The following TMLHE variants were observed in gnomAD, a reference collection of about 807,000 sequenced individuals.
TMLHE encodes the protein trimethyllysine hydroxylase, epsilon.
In TMLHE, 18 loss-of-function variants were observed where a neutral mutation model predicts 25.7. That is an observed-to-expected ratio of 0.70 (90% CI 0.48 to 1.04). TMLHE has a LOEUF of 1.04. Ranked by LOEUF, TMLHE falls within the 50% of genes least tolerant of loss-of-function variation. TMLHE has a pLI of 0.00. For synonymous variants in TMLHE, 105 were observed against 97.0 expected (o/e 1.08, Z -0.49); for missense variants, 236 against 259.0 (o/e 0.91, Z 0.61).
At chrX:155,547,709 C>G (rs1215236055) in intron 1 of TMLHE, among the ~76,000 whole-genome samples, 30 of 103,085 alleles carry the variant, frequency 2.9e-4, no homozygotes, top group Admixed American at 5.2e-4. Context: ...AAAAATAAAA[C>G]TGATTGTAAA....
chrX:155,504,555 A>C lies in TMLHE; in HGVS notation c.995+2343T>G, dbSNP rs1328332673. Among the ~76,000 whole-genome samples the C allele has an allele frequency of 2.7e-5, 3 of 110,132 alleles. No individual in the cohort carries two copies. In the East Asian group the frequency reaches 8.6e-4, roughly 32 times the overall value. On this transcript the variant is annotated intron_variant, in intron 6 of 7. Coordinates refer to ENST00000334398, the MANE Select transcript of TMLHE (RefSeq NM_018196.4). ...TTAAAAGAGTGTGGCATGTCCTTGG[A>C]ACAGCTACAATTCATACATTGTTGA...
Position 155,513,975 on chromosome X carries a change from A to G in TMLHE, c.638+11T>C. On this transcript the variant is annotated intron_variant, in intron 4 of 7. Transcript: ENST00000334398. ...TATAATACTGTGGATTTTAGGAAACAAATGAATTACCTGATTAAGCTGATC... is the reference window on the plus strand; with the variant it reads ...TATAATACTGTGGATTTTAGGAAACGAATGAATTACCTGATTAAGCTGATC... 3 of 1,196,795 alleles carry G rather than the reference A, an allele frequency of 2.5e-6. No homozygotes were observed. Among genetic ancestry groups the G allele is most frequent in the Non-Finnish European group, 3.4e-6 (3 of 885,799 alleles).
At chrX:155,587,397 C>T (rs1269968408) in intron 1 of TMLHE, among the ~76,000 whole-genome samples, 1 of 111,782 alleles carries the variant, frequency 8.9e-6, no homozygotes, top group African/African-American at 3.2e-5. Flanking sequence ...AACAAACCCA[C>T]AGTTAACATC....
chrX:155,539,743 C>T (rs1339104080), intron 2 of TMLHE, among the ~76,000 whole-genome samples: 5 of 111,254 alleles, frequency 4.5e-5, no homozygotes, highest in African/African-American at 6.5e-5. Flanking sequence ...AAATAAGCAT[C>T]ACCAGAATAA....
intron 1 of TMLHE, chrX:155,612,407 G>A (rs1334212061): frequency 8.9e-6 from 1 of 112,021 alleles, no homozygotes; most frequent in Non-Finnish European, 1.9e-5. Context: ...GGGACTCGCT[G>A]AAAGCTAAAC....
intron 1 of TMLHE, among the ~76,000 whole-genome samples, chrX:155,568,082 T>A (rs1345534532): frequency 1.6e-5 from 1 of 60,978 alleles, no homozygotes; most frequent in African/African-American, 3.6e-5. Flanking sequence ...CCTTTCCTAG[T>A]CAAAGAAAGG....
rs147945106 is a variant in TMLHE at position 155,524,613 on chromosome X, G to A, written c.201C>T (p.Thr67=). The A allele has an allele frequency of 2.1e-4, 247 of 1,193,280 alleles. No individual in the cohort carries two copies. The African/African-American group carries it at 3.0e-3, about 14-fold the overall frequency. ...EDHFELKYAN[T]VMRFDYVWLR... ...GCCAGACGTAATCAAAGCGCATCACGGTATTAGCATATTTCAGCTCTAGGG... is the reference window on the plus strand; with the variant it reads ...GCCAGACGTAATCAAAGCGCATCACAGTATTAGCATATTTCAGCTCTAGGG... The change falls in exon 3 of 8, where the codon ACC becomes ACT. Residue 67 remains threonine, a synonymous_variant. Coordinates refer to ENST00000334398, the MANE Select transcript of TMLHE (RefSeq NM_018196.4).
At chrX:155,580,690 G>C (rs957902884) in intron 1 of TMLHE, among the ~76,000 whole-genome samples, 3 of 111,718 alleles carry the variant, frequency 2.7e-5, no homozygotes, top group African/African-American at 9.8e-5. Flanking sequence ...CACATCTCAT[G>C]TGGCAGCAGA....
intron 1 of TMLHE, among the ~76,000 whole-genome samples, chrX:155,565,000 A>T (rs1557342074): frequency 1.6e-5 from 1 of 62,251 alleles, no homozygotes; most frequent in African/African-American, 3.6e-5. Context: ...AAAAACTACA[A>T]TCCAAAAGGA....
At chrX:155,541,279 A>G (rs1557338156) in intron 2 of TMLHE, among the ~76,000 whole-genome samples, 1 of 110,720 alleles carries the variant, frequency 9.0e-6, no homozygotes, top group African/African-American at 3.3e-5. Flanking sequence ...CCCACTTATG[A>G]GTGAGAACAT....
intron 2 of TMLHE, among the ~76,000 whole-genome samples, chrX:155,526,316 G>T (rs886177232): frequency 2.7e-5 from 3 of 112,916 alleles, no homozygotes; most frequent in Non-Finnish European, 5.6e-5. Flanking sequence ...GAACAGCTTG[G>T]GCCATTGCTT....
At chrX:155,583,776 G>A (rs191744323) in intron 1 of TMLHE, among the ~76,000 whole-genome samples, 34 of 111,649 alleles carry the variant, frequency 3.0e-4, no homozygotes, top group South Asian at 1.1e-3. Flanking sequence ...CATGGACATA[G>A]AGTGAGGAAT....
At chrX:155,552,600 C>A (rs1476915359) in intron 1 of TMLHE, among the ~76,000 whole-genome samples, 4 of 109,963 alleles carry the variant, frequency 3.6e-5, no homozygotes, top group Non-Finnish European at 7.6e-5. Flanking sequence ...TGCTTTCTCT[C>A]TCTTCTTTTG....
rs1176909398 is a variant in TMLHE at position 155,589,572 on chromosome X, G to C, written c.-2+23220C>G. ...GCATGTTCTCACTAATTTATGAAAG[G>C]TAAAATCACTGATTTCATGAAGATA... On this transcript the variant is annotated intron_variant, in intron 1 of 7. Transcript: ENST00000334398. 1.3e-4 allele frequency among the ~76,000 whole-genome samples: 15 copies of C among 112,056 alleles called. No homozygotes were observed. The Admixed American group carries it at 1.4e-3, about 11-fold the overall frequency.
intron 2 of TMLHE, among the ~76,000 whole-genome samples, chrX:155,528,291 T>G (rs1983639601): frequency 1.0e-5 from 1 of 100,245 alleles, no homozygotes; most frequent in Non-Finnish European, 2.0e-5. Flanking sequence ...TCAGTATTTA[T>G]TTTTTTCTCT....
At chrX:155,547,953 A>G (rs2067365046) in intron 1 of TMLHE, among the ~76,000 whole-genome samples, 1 of 111,105 alleles carries the variant, frequency 9.0e-6, no homozygotes, top group African/African-American at 3.3e-5. Flanking sequence ...GTAGAAAACA[A>G]AGTCTCTCCT....
intron 3 of TMLHE, among the ~76,000 whole-genome samples, chrX:155,523,018 G>A (rs1569561927): frequency 9.0e-6 from 1 of 110,831 alleles, no homozygotes; most frequent in Non-Finnish European, 1.9e-5. Flanking sequence ...AGTATTTGGT[G>A]TAGTCACTGT....
intron 1 of TMLHE, among the ~76,000 whole-genome samples, chrX:155,588,403 A>G (rs2067676741): frequency 8.9e-6 from 1 of 112,154 alleles, no homozygotes; most frequent in African/African-American, 3.2e-5. Context: ...CAGTAGAACA[A>G]AACACAGAGA....
At chrX:155,537,543 G>A (rs782030243) in intron 2 of TMLHE, among the ~76,000 whole-genome samples, 15 of 110,613 alleles carry the variant, frequency 1.4e-4, no homozygotes, top group Non-Finnish European at 2.5e-4. Flanking sequence ...TCCTCACCCC[G>A]ATAATCCTTC....
Sources: gnomAD v4.1 joint callset for allele counts (sites outside exome capture counted in the v4.1 genomes callset) on GRCh38, gnomAD v4.1.1 for gene constraint, MANE v1.5 for transcripts, NCBI Gene and HGNC (gene_info 2026-07-23, HGNC 2026-07-21) for gene names.